The following SLCO1A2 variants were observed in gnomAD, a reference collection of about 807,000 sequenced individuals.
The protein encoded by SLCO1A2 is solute carrier organic anion transporter family member 1A2.
A neutral mutation model predicts 69.0 loss-of-function variants in SLCO1A2; 67 were observed. The observed-to-expected ratio is 0.97, with a 90% CI of 0.80 to 1.19. The LOEUF is 1.19. SLCO1A2 is among the 50% of genes most tolerant of loss of function. SLCO1A2 has a pLI of 0.00. For synonymous variants in SLCO1A2, 260 were observed against 265.9 expected (o/e 0.98, Z 0.22); for missense variants, 787 against 793.7 (o/e 0.99, Z 0.10).
At position 21,265,022 on chromosome 12, in the gene SLCO1A2, G is replaced by A. The variant is rs1941925781; in HGVS notation, c.*4526C>T. On this transcript the variant is annotated 3_prime_UTR_variant, in exon 15 of 15. Coordinates refer to ENST00000683939, the MANE Select transcript of SLCO1A2 (RefSeq NM_001386879.1). Reference sequence around the variant, plus strand: ...GTCTGAGCAGGAGGACATGAGGAGAGGAGGGATGGCAGAATTTTATCTGGA... The same window carrying A: ...GTCTGAGCAGGAGGACATGAGGAGAAGAGGGATGGCAGAATTTTATCTGGA... 6.6e-6 allele frequency: 1 copy of A among 152,372 alleles called. No homozygotes were observed. The highest frequency in any genetic ancestry group is 1.5e-5 in the Non-Finnish European group (1 of 68,166). The allele number at this position is 152,372 out of a possible 1,614,324, so 9.4% of individuals were successfully genotyped here.
At chr12:21,386,731 C>T (rs889242939) in intron 1 of SLCO1A2, among the ~76,000 whole-genome samples, 9 of 151,776 alleles carry the variant, frequency 5.9e-5, no homozygotes, top group African/African-American at 1.2e-4. Context: ...AAATTGGTAC[C>T]GGGATTAGTG....
At position 21,328,539 on chromosome 12, in the gene SLCO1A2, T is replaced by A. The variant is rs145284570; in HGVS notation, c.60+6049A>T. 1.6e-3 allele frequency among the ~76,000 whole-genome samples: 238 copies of A among 152,220 alleles called. 2 individuals carry two copies. The highest frequency in any genetic ancestry group is 5.6e-3 in the African/African-American group (232 of 41,552). The stretch of plus-strand genomic sequence containing the variant: ...CTCAGGCCTCTAGGCAGTTATGGAT[T>A]CTCCTGGCGTGAGCAGGTAGAGGTG... On this transcript the variant is annotated intron_variant, in intron 2 of 14. Coordinates refer to ENST00000683939, the MANE Select transcript of SLCO1A2 (RefSeq NM_001386879.1).
chr12:21,398,285 A>T (rs1352690037), upstream of SLCO1A2, among the ~76,000 whole-genome samples: 1 of 151,280 alleles, frequency 6.6e-6, no homozygotes, highest in Non-Finnish European at 1.5e-5. Flanking sequence ...AGAAATGGAT[A>T]AATTCCTGGA....
intron 11 of SLCO1A2, 37 bp from the exon 12 acceptor site, chr12:21,292,373 A>C: frequency 6.5e-7 from 1 of 1,545,010 alleles, no homozygotes; most frequent in Non-Finnish European, 8.8e-7. Flanking sequence ...AGAAGTAAAA[A>C]TCTTGAACAC....
chr12:21,287,684 A>C (rs1305899922), intron 12 of SLCO1A2, among the ~76,000 whole-genome samples: 1 of 125,108 alleles, frequency 8.0e-6, no homozygotes, highest in African/African-American at 3.2e-5. Context: ...TGCAGCCATA[A>C]AAAATGATGA....
chr12:21,315,536 A>G (rs1311793071), intron 3 of SLCO1A2, among the ~76,000 whole-genome samples: 1 of 152,224 alleles, frequency 6.6e-6, no homozygotes, highest in Non-Finnish European at 1.5e-5. Flanking sequence ...ATGACTCAAG[A>G]TTATAAAAAT....
At chr12:21,333,707 G>A (rs546327614) in intron 2 of SLCO1A2, among the ~76,000 whole-genome samples, 3 of 152,028 alleles carry the variant, frequency 2.0e-5, no homozygotes, top group African/African-American at 4.8e-5. Flanking sequence ...TTTATTGAAA[G>A]TTTACAATAT....
intron 1 of SLCO1A2, among the ~76,000 whole-genome samples, chr12:21,374,997 T>A (rs2137100287): frequency 6.6e-6 from 1 of 152,144 alleles, no homozygotes; most frequent in South Asian, 2.1e-4. Context: ...TATCTTTATT[T>A]TATAGGGAAA....
intron 2 of SLCO1A2, among the ~76,000 whole-genome samples, chr12:21,348,046 T>C (rs1321842666): frequency 6.6e-6 from 1 of 152,206 alleles, no homozygotes; most frequent in African/African-American, 2.4e-5. Flanking sequence ...CATCCACCTT[T>C]TAGTCTTTCT....
chr12:21,274,558 G>A lies in SLCO1A2; in HGVS notation c.1704C>T (p.Gly568=), dbSNP rs780357500. The change falls in exon 14 of 15, where the codon GGC becomes GGT. Residue 568 remains glycine (G), a synonymous_variant. Coordinates refer to ENST00000683939, the MANE Select transcript of SLCO1A2 (RefSeq NM_001386879.1). ...GTAAACATGTGGAATCCATTAAAGC[G>A]CCAAAATATATAGGTGCAGGAATGC... ...FAGIPAPIYF[G]ALMDSTCLHW... 3.5e-5 allele frequency: 56 copies of A among 1,612,996 alleles called. 1 individual carries two copies. In the East Asian group the frequency reaches 6.7e-4, roughly 19 times the overall value.
intron 1 of SLCO1A2, among the ~76,000 whole-genome samples, chr12:21,411,265 A>G (rs1337774294): frequency 6.6e-6 from 1 of 152,212 alleles, no homozygotes; most frequent in Non-Finnish European, 1.5e-5. Flanking sequence ...TTTTTTTGAT[A>G]TGTAAATCTT....
At chr12:21,389,568 A>C (rs1941052053) in intron 1 of SLCO1A2, among the ~76,000 whole-genome samples, 1 of 152,170 alleles carries the variant, frequency 6.6e-6, no homozygotes. Flanking sequence ...ACTCTTATGT[A>C]TCCATATGAA....
At chr12:21,297,272 G>T in intron 9 of SLCO1A2, 132 bp downstream of exon 9, 3 of 452,626 alleles carry the variant, frequency 6.6e-6, no homozygotes, top group Non-Finnish European at 1.2e-5. Flanking sequence ...TCTTTCTTGA[G>T]ATTAGAAGGA....
At chr12:21,362,587 T>G (rs185037218) in intron 2 of SLCO1A2, among the ~76,000 whole-genome samples, 1 of 152,304 alleles carries the variant, frequency 6.6e-6, no homozygotes, top group Admixed American at 6.5e-5. Flanking sequence ...ATGCTCCAAT[T>G]AGAAGACACA....
chr12:21,324,559 A>C (rs1195278396), intron 2 of SLCO1A2: 1 of 152,220 alleles, frequency 6.6e-6, no homozygotes, highest in African/African-American at 2.4e-5. Context: ...AAACTTATGC[A>C]AATAACTATA....
chr12:21,359,265 G>C (rs529783929), intron 2 of SLCO1A2, among the ~76,000 whole-genome samples: 1 of 152,210 alleles, frequency 6.6e-6, no homozygotes, highest in African/African-American at 2.4e-5. Context: ...AATTAAACTT[G>C]ATAGACTCTA....
chr12:21,419,194 T>G (rs1382344752), upstream of SLCO1A2: 1 of 153,018 alleles, frequency 6.5e-6, no homozygotes, highest in Non-Finnish European at 1.5e-5. Context: ...GGAAATTTTT[T>G]GGTTAATAAT....
intron 1 of SLCO1A2, among the ~76,000 whole-genome samples, chr12:21,406,149 A>G (rs1319173466): frequency 1.3e-5 from 2 of 152,202 alleles, no homozygotes; most frequent in Admixed American, 1.3e-4. Context: ...ATGAGTAGAT[A>G]TATTTAAAAT....
chr12:21,320,998 C>G (rs1388919449), intron 2 of SLCO1A2, among the ~76,000 whole-genome samples: 1 of 152,164 alleles, frequency 6.6e-6, no homozygotes, highest in Non-Finnish European at 1.5e-5. Flanking sequence ...ACTGTTTAAC[C>G]TTCCATCCAC....
Sources: allele counts gnomAD v4.1 joint callset (sites outside exome capture counted in the v4.1 genomes callset), GRCh38; gene constraint gnomAD v4.1.1; transcripts MANE v1.5; gene names NCBI Gene and HGNC (gene_info 2026-07-23, HGNC 2026-07-21).